Variants in OSTF1 observed in about 807,000 individuals in gnomAD.
OSTF1 encodes the protein osteoclast stimulating factor 1, also known as osteoclast-stimulating factor 1.
Under a neutral mutation model 37.2 loss-of-function variants are expected in OSTF1, and 27 were observed. The ratio of observed to expected loss-of-function variants is 0.73; its 90% CI spans 0.54 to 1.00. The LOEUF is 1.00. Among genes scored for constraint, OSTF1 ranks in the 50% least tolerant of loss-of-function variants. The pLI is 0.00. For synonymous variants in OSTF1, 82 were observed against 89.2 expected (o/e 0.92, Z 0.46); for missense variants, 232 against 253.8 (o/e 0.91, Z 0.58).
At chr9:75,104,035 C>G (rs956358153) in intron 1 of OSTF1, among the ~76,000 whole-genome samples, 2 of 151,988 alleles carry the variant, frequency 1.3e-5, no homozygotes, top group Non-Finnish European at 2.9e-5. Context: ...CAAGGGCAGC[C>G]TGTGCAACAT....
chr9:75,127,557 TTTTTCTTCTAGCCA>T lies in OSTF1; in HGVS notation c.82-11_84del, dbSNP rs1427643582. ...AAAATCACATGGAGTCAAACTTTTT[TTTTTCTTCTAGCCA>T]GATGAATTATACTTTGAGGAAGGTG... is the stretch of plus-strand genomic sequence containing the variant. On this transcript the variant is annotated splice_acceptor_variant and splice_polypyrimidine_tract_variant and coding_sequence_variant and intron_variant, in exon 3 of 10. Transcript: ENST00000346234. LOFTEE classifies it high-confidence loss of function. 1 of 1,534,506 alleles carries T rather than the reference TTTTTCTTCTAGCCA, an allele frequency of 6.5e-7. No individual in the cohort carries two copies.
intron 1 of OSTF1, among the ~76,000 whole-genome samples, chr9:75,109,724 C>A (rs915684073): frequency 6.6e-6 from 1 of 152,084 alleles, no homozygotes; most frequent in Admixed American, 6.6e-5. Flanking sequence ...TAGTTATGTT[C>A]CACTCCCAAA....
chr9:75,092,954 C>T (rs1468438157), intron 1 of OSTF1, among the ~76,000 whole-genome samples: 1 of 152,060 alleles, frequency 6.6e-6, no homozygotes, highest in Non-Finnish European at 1.5e-5. Context: ...TAACTGTTAT[C>T]TGTGCCACCA....
intron 7 of OSTF1, among the ~76,000 whole-genome samples, chr9:75,137,225 A>T (rs1022922690): frequency 6.6e-6 from 1 of 152,118 alleles, no homozygotes; most frequent in Middle Eastern, 3.2e-3. Context: ...TCCAATTCCT[A>T]ATTTTTGCCA....
chr9:75,105,032 T>C (rs1265914057), intron 1 of OSTF1, among the ~76,000 whole-genome samples: 6 of 152,194 alleles, frequency 3.9e-5, no homozygotes, highest in African/African-American at 1.4e-4. Context: ...GTCTGGCCCA[T>C]GGTAAGTGTC....
chr9:75,141,784 G>A (rs1269127732), intron 9 of OSTF1, among the ~76,000 whole-genome samples: 2 of 152,146 alleles, frequency 1.3e-5, no homozygotes, highest in Non-Finnish European at 2.9e-5. Context: ...GTCTTACTCT[G>A]TTGCTCAGCC....
chr9:75,110,683 T>C (rs764774151), intron 1 of OSTF1, among the ~76,000 whole-genome samples: 21 of 152,134 alleles, frequency 1.4e-4, no homozygotes, highest in Non-Finnish European at 2.4e-4. Context: ...CGTATATCTG[T>C]GTATCTGTCT....
At chr9:75,119,944 C>A (rs993188949) in intron 2 of OSTF1, among the ~76,000 whole-genome samples, 4 of 150,498 alleles carry the variant, frequency 2.7e-5, no homozygotes, top group Non-Finnish European at 1.5e-5. Flanking sequence ...AGCCTGGCGA[C>A]AGAGTGAGAC....
intron 1 of OSTF1, among the ~76,000 whole-genome samples, chr9:75,093,024 C>CTCTT (rs921277632): frequency 1.0e-4 from 15 of 149,112 alleles, no homozygotes; most frequent in South Asian, 2.1e-4. Flanking sequence ...TTATGATACC[C>CTCTT]TCTTTCTTTC....
chr9:75,120,730 C>T (rs1825566550), intron 2 of OSTF1, among the ~76,000 whole-genome samples: 2 of 152,184 alleles, frequency 1.3e-5, no homozygotes, highest in African/African-American at 4.8e-5. Flanking sequence ...CCACCAACTG[C>T]TTCAACCTTT....
Position 75,130,624 on chromosome 9 carries a change from T to G in OSTF1, c.179T>G (p.Leu60Arg). The G allele has an allele frequency of 6.2e-7, 1 of 1,610,676 alleles. No homozygotes were observed. Among genetic ancestry groups the G allele is most frequent in the African/African-American group, 1.3e-5 (1 of 74,976 alleles). The change falls in exon 4 of 10, where the codon CTA (leucine) becomes CGA (arginine). Residue 60 changes from leucine (L) to arginine (R), a missense_variant. Transcript: ENST00000346234. ...GGCACCTCCAAAGGCAGGACTGGAC[T>G]AATTCCAAGCAACTATGGTAAGTGT... is the stretch of plus-strand genomic sequence containing the variant. ...WKGTSKGRTG[L>R]IPSNYVAEQA...
intron 1 of OSTF1, among the ~76,000 whole-genome samples, chr9:75,091,335 C>T (rs886183149): frequency 6.6e-6 from 1 of 152,062 alleles, no homozygotes; most frequent in South Asian, 2.1e-4. Flanking sequence ...CTTCGCTTCC[C>T]AAAGTGTGGG....
At chr9:75,093,034 C>T (rs1023802727) in intron 1 of OSTF1, among the ~76,000 whole-genome samples, 6 of 144,648 alleles carry the variant, frequency 4.1e-5, no homozygotes, top group Admixed American at 2.1e-4. Flanking sequence ...CTCTTTCTTT[C>T]TTTCTTTCTC....
chr9:75,133,221 A>G lies in OSTF1; in HGVS notation c.251-73A>G, dbSNP rs1305020648. The G allele has an allele frequency of 5.7e-6, 5 of 878,754 alleles. No homozygotes were observed. The Admixed American group carries it at 1.0e-4, about 18-fold the overall frequency. 54.4% of individuals were successfully genotyped at this position (878,754 alleles called of 1,614,324 possible). A position where few individuals can be genotyped will look rare whatever the true frequency, so the allele number is the denominator to read the frequency against. On this transcript the variant is annotated intron_variant, in intron 5 of 9. Transcript: ENST00000346234. ...TGCAAATGGAAATTTATGCAGAATG[A>G]CATTGATTTAAAAGCAAAATAAAAA...
At chr9:75,131,698 G>A in intron 4 of OSTF1, 72 bp from the exon 5 acceptor site, 1 of 1,119,034 alleles carries the variant, frequency 8.9e-7, no homozygotes, top group Non-Finnish European at 1.4e-6. Context: ...GGACTGTGGT[G>A]AATGAGTGGC....
chr9:75,089,375 A>G (rs1307700058), intron 1 of OSTF1, among the ~76,000 whole-genome samples: 3 of 151,862 alleles, frequency 2.0e-5, no homozygotes, highest in East Asian at 1.9e-4. Flanking sequence ...TTGCTCTCCC[A>G]AAGACGTTGG....
intron 1 of OSTF1, among the ~76,000 whole-genome samples, chr9:75,107,366 G>A (rs979154350): frequency 6.6e-6 from 1 of 152,084 alleles, no homozygotes; most frequent in Non-Finnish European, 1.5e-5. Flanking sequence ...TATAAATTAA[G>A]AAGATTAATG....
chr9:75,140,124 T>A (rs7029215), intron 8 of OSTF1, among the ~76,000 whole-genome samples: 1,726 of 152,308 alleles, frequency 0.011, 27 homozygotes, highest in African/African-American at 0.04. Context: ...CACAGACCAA[T>A]ACGTGTAGTA....
intron 1 of OSTF1, among the ~76,000 whole-genome samples, chr9:75,095,523 G>C (rs1366195424): frequency 6.6e-6 from 1 of 152,152 alleles, no homozygotes; most frequent in South Asian, 2.1e-4. Context: ...GGCAGCAAAG[G>C]GGGAAAAGTC....
Sources: allele counts gnomAD v4.1 joint callset (sites outside exome capture counted in the v4.1 genomes callset), GRCh38; gene constraint gnomAD v4.1.1; transcripts MANE v1.5; gene names NCBI Gene and HGNC (gene_info 2026-07-23, HGNC 2026-07-21).